MTNAP1: variants seen among roughly 807,000 people sequenced by gnomAD.
The protein encoded by MTNAP1 is mitochondrial nucleoid associated protein 1, also known as mitochondrial nucleoid-associated protein 1.
the MTNAP1 span, among the ~76,000 whole-genome samples, chr17:73,235,197 GTGA>G: frequency 2.6e-5 from 4 of 152,146 alleles, no homozygotes; most frequent in African/African-American, 9.7e-5. Context: ...TCCAGCCTGG[GTGA>G]CAGAGTGAGA....
chr17:73,241,224 C>T, the MTNAP1 span, among the ~76,000 whole-genome samples: 5 of 152,142 alleles, frequency 3.3e-5, no homozygotes, highest in African/African-American at 1.2e-4. Flanking sequence ...GTGTAGCGAT[C>T]TCTGCTCACT....
the MTNAP1 span, chr17:73,247,275 A>AGT: frequency 6.2e-7 from 1 of 1,614,210 alleles, no homozygotes; most frequent in Admixed American, 1.7e-5. Context: ...GGAAGAGCAC[A>AGT]GTACCTCCAT....
chr17:73,232,716 A>C, the MTNAP1 span: 1 of 179,180 alleles, frequency 5.6e-6, no homozygotes, highest in Non-Finnish European at 1.2e-5. Flanking sequence ...AGGTCTTCCG[A>C]GGTGAGGACG....
chr17:73,242,247 C>CT, the MTNAP1 span: 53 of 1,577,696 alleles, frequency 3.4e-5, no homozygotes, highest in Non-Finnish European at 4.6e-5. Flanking sequence ...ACCATAGTTT[C>CT]TTTGTTGGAA....
At chr17:73,245,916 T>C in the MTNAP1 span, among the ~76,000 whole-genome samples, 32 of 152,312 alleles carry the variant, frequency 2.1e-4, no homozygotes, top group African/African-American at 6.5e-4. Context: ...AGAGTTTCTG[T>C]GCATTACTGA....
chr17:73,247,532 G>C, the MTNAP1 span: 2 of 545,660 alleles, frequency 3.7e-6, no homozygotes, highest in African/African-American at 1.9e-5. Flanking sequence ...TCATAATCAG[G>C]GTGCTGAAAC....
the MTNAP1 span, chr17:73,244,837 C>T: frequency 1.9e-5 from 4 of 207,196 alleles, no homozygotes; most frequent in Non-Finnish European, 1.9e-5. Flanking sequence ...ATGGCCTCGC[C>T]GCCATCTCTT....
chr17:73,233,675 C>T, the MTNAP1 span, among the ~76,000 whole-genome samples: 6 of 152,186 alleles, frequency 3.9e-5, no homozygotes, highest in Admixed American at 3.9e-4. Flanking sequence ...ACCAGCCTGG[C>T]CAACATGGTG....
chr17:73,243,161 TTTA>T, the MTNAP1 span: 2 of 702,196 alleles, frequency 2.8e-6, no homozygotes, highest in Admixed American at 4.2e-5. Context: ...GTTTCTGGGT[TTTA>T]TTTTTTTGAG....
the MTNAP1 span, chr17:73,247,974 T>C: frequency 9.7e-5 from 15 of 154,130 alleles, no homozygotes; most frequent in African/African-American, 2.9e-4. Context: ...CTCAAGTCCT[T>C]CAAGAATCTC....
chr17:73,243,077 ATTTTTTTT>A, the MTNAP1 span: 1,257 of 438,392 alleles, frequency 2.9e-3, 6 homozygotes, highest in East Asian at 0.039. Flanking sequence ...GATTCTCTGA[ATTTTTTTT>A]TTTTTTTTTT....
At chr17:73,243,077 A>ATTTTTTTTTTTC in the MTNAP1 span, 97 of 438,556 alleles carry the variant, frequency 2.2e-4, no homozygotes, top group African/African-American at 2.5e-3. Flanking sequence ...GATTCTCTGA[A>ATTTTTTTTTTTC]TTTTTTTTTT....
the MTNAP1 span, among the ~76,000 whole-genome samples, chr17:73,237,325 A>G: frequency 6.6e-6 from 1 of 152,190 alleles, no homozygotes; most frequent in Non-Finnish European, 1.5e-5. Flanking sequence ...AGTCCCAGCT[A>G]TTTGAGAGGC....
chr17:73,235,696 A>G, the MTNAP1 span: 5 of 1,614,056 alleles, frequency 3.1e-6, no homozygotes, highest in Non-Finnish European at 4.2e-6. Context: ...AGAGTTAGAG[A>G]CAGAGAATGA....
At chr17:73,235,984 G>A in the MTNAP1 span, 1 of 1,614,240 alleles carries the variant, frequency 6.2e-7, no homozygotes, top group Non-Finnish European at 8.5e-7. Flanking sequence ...TAATCCTTCA[G>A]AAGCTGGAGC....
chr17:73,236,359 A>T, the MTNAP1 span: 1 of 1,614,154 alleles, frequency 6.2e-7, no homozygotes, highest in South Asian at 1.1e-5. Context: ...AATCCAAGTC[A>T]TGGAGAAACA....
At chr17:73,242,352 G>T in the MTNAP1 span, 67 of 1,561,210 alleles carry the variant, frequency 4.3e-5, no homozygotes, top group Non-Finnish European at 5.6e-5. Context: ...GTACAAAAAG[G>T]TGAGGCTGGA....
the MTNAP1 span, chr17:73,245,526 T>C: frequency 1.0e-6 from 1 of 985,418 alleles, no homozygotes; most frequent in Non-Finnish European, 1.2e-6. Flanking sequence ...AAGTCACTTC[T>C]CAGTAAAAAG....
At chr17:73,242,862 G>T in the MTNAP1 span, 1 of 1,567,750 alleles carries the variant, frequency 6.4e-7, no homozygotes, top group Non-Finnish European at 8.7e-7. Flanking sequence ...AGTTTCAGTT[G>T]CTGTAACAAC....
Sources: gnomAD v4.1 joint callset for allele counts (sites outside exome capture counted in the v4.1 genomes callset) on GRCh38, gnomAD v4.1.1 for gene constraint, MANE v1.5 for transcripts, NCBI Gene and HGNC (gene_info 2026-07-23, HGNC 2026-07-21) for gene names.